The following MPDZ variants were observed in gnomAD, a reference collection of about 807,000 sequenced individuals.
MPDZ encodes the protein multiple PDZ domain crumbs cell polarity complex component.
In MPDZ, 234 loss-of-function variants were observed where a neutral mutation model predicts 239.1. The ratio of observed to expected loss-of-function variants is 0.98; its 90% CI spans 0.88 to 1.09. The LOEUF (loss-of-function observed/expected upper bound fraction) is 1.09, where lower values mean the gene tolerates loss of function less well. MPDZ is among the 50% of genes least tolerant of loss of function. The probability of loss-of-function intolerance (pLI) is 0.00; values close to 1 mark genes in which losing one functional copy is unlikely to be tolerated. For missense variants in MPDZ, 3,175 were observed against 2,510.0 expected (o/e 1.26, Z -5.66); for synonymous variants, 1,048 against 881.3 (o/e 1.19, Z -3.35).
At chr9:13,227,376 ATT>A (rs1199885038) in intron 3 of MPDZ, among the ~76,000 whole-genome samples, 2 of 149,954 alleles carry the variant, frequency 1.3e-5, no homozygotes, top group Non-Finnish European at 3.0e-5. Flanking sequence ...GCCAAGATTG[ATT>A]TTTTTTTTAT....
intron 10 of MPDZ, 127 bp downstream of exon 10, chr9:13,216,647 G>A: frequency 1.7e-6 from 1 of 584,138 alleles, no homozygotes; most frequent in Non-Finnish European, 2.9e-6. Context: ...TGTAATAATA[G>A]CCTCAAGTCA....
At chr9:13,267,287 T>C (rs1588218555) in intron 1 of MPDZ, among the ~76,000 whole-genome samples, 2 of 152,200 alleles carry the variant, frequency 1.3e-5, no homozygotes, top group African/African-American at 4.8e-5. Flanking sequence ...TATAATAGCT[T>C]CCAAATATCC....
At chr9:13,271,278 C>A (rs1972895312) in intron 1 of MPDZ, among the ~76,000 whole-genome samples, 2 of 152,092 alleles carry the variant, frequency 1.3e-5, no homozygotes. Context: ...CTGAGAAACA[C>A]CATCAAATAC....
At chr9:13,259,324 A>C (rs2138604854) in intron 1 of MPDZ, among the ~76,000 whole-genome samples, 1 of 152,070 alleles carries the variant, frequency 6.6e-6, no homozygotes, top group South Asian at 2.1e-4. Flanking sequence ...ACAGAGCAAG[A>C]GTCTGTCTCG....
intron 29 of MPDZ, 83 bp downstream of exon 29, chr9:13,137,874 G>A: frequency 2.9e-6 from 4 of 1,378,082 alleles, no homozygotes; most frequent in Non-Finnish European, 4.0e-6. Flanking sequence ...GTCACTATAA[G>A]GTATGGGTGA....
At chr9:13,275,013 C>T (rs2139460034) in intron 1 of MPDZ, among the ~76,000 whole-genome samples, 1 of 152,330 alleles carries the variant, frequency 6.6e-6, no homozygotes, top group Non-Finnish European at 1.5e-5. Flanking sequence ...AATAAGTGGC[C>T]TCAGGCCAAA....
chr9:13,236,249 GTA>G (rs1172287952), intron 3 of MPDZ, among the ~76,000 whole-genome samples: 3 of 35,864 alleles, frequency 8.4e-5, no homozygotes, highest in African/African-American at 3.5e-4. Context: ...GTGTGTGTGT[GTA>G]TATATATATA....
intron 41 of MPDZ, 67 bp downstream of exon 41, chr9:13,113,864 A>G (rs1488032669): frequency 1.6e-6 from 2 of 1,254,518 alleles, no homozygotes; most frequent in Non-Finnish European, 2.3e-6. Flanking sequence ...TCAGAGGTAA[A>G]CAAGACAAAA....
At chr9:13,256,488 G>C (rs1969469949) in intron 1 of MPDZ, among the ~76,000 whole-genome samples, 1 of 152,160 alleles carries the variant, frequency 6.6e-6, no homozygotes, top group Non-Finnish European at 1.5e-5. Context: ...TTTAAAGTGA[G>C]AGGCATGCAA....
At chr9:13,231,230 T>C (rs1962341783) in intron 3 of MPDZ, among the ~76,000 whole-genome samples, 1 of 151,678 alleles carries the variant, frequency 6.6e-6, no homozygotes. Flanking sequence ...GGGAAAAAAA[T>C]ACATGAAATG....
intron 10 of MPDZ, among the ~76,000 whole-genome samples, chr9:13,208,089 T>G (rs1260600632): frequency 6.6e-6 from 1 of 152,336 alleles, no homozygotes; most frequent in Admixed American, 6.5e-5. Flanking sequence ...ATCTGGATTT[T>G]ATAATCTAAA....
rs1050049339 is a variant in MPDZ, at chr9:13,105,949, G to A, written c.*1016C>T. On this transcript the variant is annotated 3_prime_UTR_variant, in exon 47 of 47. Transcript: ENST00000319217. The stretch of plus-strand genomic sequence containing the variant: ...GTCTTAAACTATTGTATTATAAGAT[G>A]TTAATATAAGTCAATGAAATGAAGT... 2 of 152,122 alleles carry A rather than the reference G, an allele frequency of 1.3e-5. No individual in the cohort carries two copies. Among genetic ancestry groups the A allele is most frequent in the Non-Finnish European group, 2.9e-5 (2 of 68,000 alleles). 9.4% of individuals were successfully genotyped at this position (152,122 alleles called of 1,614,324 possible). A position where few individuals can be genotyped will look rare whatever the true frequency, so the allele number is the denominator to read the frequency against.
At chr9:13,114,630 G>A (rs9987895) in intron 40 of MPDZ, among the ~76,000 whole-genome samples, 28,035 of 152,096 alleles carry the variant, frequency 0.18, 2,742 homozygotes, top group South Asian at 0.31. Context: ...GGCCAGGTAC[G>A]GTGGCTCATG....
intron 21 of MPDZ, 27 bp downstream of exon 21, chr9:13,175,725 G>A: frequency 1.3e-6 from 2 of 1,556,256 alleles, no homozygotes; most frequent in Non-Finnish European, 1.7e-6. Context: ...TTGAGGAGTA[G>A]GTATATGAGG....
intron 23 of MPDZ, among the ~76,000 whole-genome samples, chr9:13,160,136 T>C (rs1206977357): frequency 1.3e-5 from 2 of 152,166 alleles, no homozygotes; most frequent in African/African-American, 4.8e-5. Flanking sequence ...CTCTTAACTT[T>C]CATGCTATGC....
rs374791387 is a variant in MPDZ at position 13,123,142 on chromosome 9, G to A, written c.4953+11C>T. 6.4e-5 allele frequency: 103 copies of A among 1,609,828 alleles called. No individual in the cohort carries two copies. In the African/African-American group the frequency reaches 1.3e-3, roughly 20 times the overall value. On this transcript the variant is annotated intron_variant, in intron 36 of 46. Coordinates refer to ENST00000319217, the MANE Select transcript of MPDZ (RefSeq NM_001378778.1). ...ACGGCCTGTACAGAAGCACCTCTGG[G>A]TGGTGCTCACCAGCAGCGTGTCTGA... is the stretch of plus-strand genomic sequence containing the variant.
chr9:13,231,437 C>T (rs10756464), intron 3 of MPDZ, among the ~76,000 whole-genome samples: 55,914 of 151,714 alleles, frequency 0.37, 11,276 homozygotes, highest in African/African-American at 0.53. Context: ...CATGGTTGTA[C>T]GCACCCATAA....
intron 3 of MPDZ, among the ~76,000 whole-genome samples, chr9:13,226,313 T>C (rs1960587259): frequency 6.6e-6 from 1 of 152,130 alleles, no homozygotes; most frequent in Non-Finnish European, 1.5e-5. Context: ...TAAATAATAA[T>C]AAAGCAATGC....
chr9:13,222,565 C>A, intron 5 of MPDZ, 119 bp from the exon 6 acceptor site: 1 of 785,352 alleles, frequency 1.3e-6, no homozygotes, highest in Admixed American at 2.5e-5. Context: ...ACACTCTAAG[C>A]TTTTTCCTGC....
Sources: allele counts gnomAD v4.1 joint callset (sites outside exome capture counted in the v4.1 genomes callset), GRCh38; gene constraint gnomAD v4.1.1; transcripts MANE v1.5; gene names NCBI Gene and HGNC (gene_info 2026-07-23, HGNC 2026-07-21).